Variants in TENM3 observed in about 807,000 individuals in gnomAD.
The protein encoded by TENM3 is teneurin transmembrane protein 3.
In TENM3, 63 loss-of-function variants were observed where a neutral mutation model predicts 255.1. The ratio of observed to expected loss-of-function variants is 0.25; its 90% CI spans 0.20 to 0.30. The LOEUF (loss-of-function observed/expected upper bound fraction) is 0.30, where lower values mean the gene tolerates loss of function less well. Among genes scored for constraint, TENM3 ranks in the 10% least tolerant of loss-of-function variants. The pLI is 1.00. For synonymous variants in TENM3, 1,306 were observed against 1,322.3 expected, an observed-to-expected ratio of 0.99 and a Z score of 0.27; for missense variants, 2,929 against 3,461.1, an observed-to-expected ratio of 0.85 and a Z score of 3.86.
At chr4:182,495,521 G>T (rs548682950) in intron 3 of TENM3, among the ~76,000 whole-genome samples, 7 of 152,134 alleles carry the variant, frequency 4.6e-5, no homozygotes, top group African/African-American at 1.7e-4. Context: ...AAAAATGACT[G>T]TATGAATGAA....
intron 1 of TENM3, among the ~76,000 whole-genome samples, chr4:182,194,254 G>A (rs1753703132): frequency 7.0e-6 from 1 of 142,614 alleles, no homozygotes; most frequent in Non-Finnish European, 1.6e-5. Flanking sequence ...TGTCCTCGTT[G>A]TTTCTGAGCA....
intron 16 of TENM3, 118 bp from the exon 17 acceptor site, chr4:182,736,690 A>G: frequency 1.0e-6 from 1 of 981,662 alleles, no homozygotes; most frequent in African/African-American, 1.7e-5. Context: ...GTGAGTAAGT[A>G]AACTAAGACA....
chr4:181,523,284 A>G, the TENM3 span, among the ~76,000 whole-genome samples: 1 of 152,188 alleles, frequency 6.6e-6, no homozygotes, highest in African/African-American at 2.4e-5. Flanking sequence ...CATTCAAATG[A>G]GTGCGTTAAA....
chr4:182,340,630 G>T (rs1347692330), intron 2 of TENM3, among the ~76,000 whole-genome samples: 1 of 152,148 alleles, frequency 6.6e-6, no homozygotes, highest in Non-Finnish European at 1.5e-5. Flanking sequence ...AAAGAGTTTG[G>T]AATGTCCCAT....
At chr4:182,566,407 A>G (rs1307815902) in intron 3 of TENM3, among the ~76,000 whole-genome samples, 1 of 152,202 alleles carries the variant, frequency 6.6e-6, no homozygotes, top group Non-Finnish European at 1.5e-5. Context: ...TAAACATGGA[A>G]TAAAGTCTTA....
chr4:182,468,813 A>C (rs2151436674), intron 3 of TENM3, among the ~76,000 whole-genome samples: 1 of 133,266 alleles, frequency 7.5e-6, no homozygotes, highest in East Asian at 2.3e-4. Context: ...AATAAAAAAA[A>C]TCCTGTGTGC....
At chr4:181,752,489 T>C in the TENM3 span, among the ~76,000 whole-genome samples, 173 of 152,116 alleles carry the variant, frequency 1.1e-3, 2 homozygotes, top group African/African-American at 3.9e-3. Context: ...GAGGCGGATG[T>C]TTCAGTAAGC....
At chr4:181,842,631 A>G in the TENM3 span, among the ~76,000 whole-genome samples, 1 of 152,350 alleles carries the variant, frequency 6.6e-6, no homozygotes, top group African/African-American at 2.4e-5. Context: ...TTAGCTTAAG[A>G]TGTTAAGAGG....
At chr4:182,210,333 T>G (rs888585454) in intron 1 of TENM3, among the ~76,000 whole-genome samples, 3 of 152,126 alleles carry the variant, frequency 2.0e-5, no homozygotes, top group African/African-American at 7.2e-5. Flanking sequence ...CAAAATAGGC[T>G]TCTTTTCCCC....
the TENM3 span, among the ~76,000 whole-genome samples, chr4:181,859,270 C>T: frequency 1.5e-5 from 2 of 133,254 alleles, no homozygotes; most frequent in African/African-American, 5.2e-5. Context: ...AAAAAAATCC[C>T]TCATTTTTCC....
At chr4:182,773,711 C>T (rs1482569523) in intron 23 of TENM3, 64 bp downstream of exon 23, 23 of 1,459,466 alleles carry the variant, frequency 1.6e-5, no homozygotes, top group Non-Finnish European at 2.1e-5. Context: ...CGGCAACACC[C>T]ACTTTCCAAG....
At chr4:182,097,971 A>G in the TENM3 span, among the ~76,000 whole-genome samples, 1 of 152,162 alleles carries the variant, frequency 6.6e-6, no homozygotes, top group African/African-American at 2.4e-5. Flanking sequence ...CACTCAAACA[A>G]CTTAGTAGGA....
At chr4:182,275,353 A>G (rs1338419581) in intron 1 of TENM3, among the ~76,000 whole-genome samples, 1 of 152,188 alleles carries the variant, frequency 6.6e-6, no homozygotes, top group Non-Finnish European at 1.5e-5. Context: ...AAGGGCAAGT[A>G]GTGTGTCTTA....
At chr4:181,861,273 G>A in the TENM3 span, among the ~76,000 whole-genome samples, 3 of 152,152 alleles carry the variant, frequency 2.0e-5, no homozygotes, top group Non-Finnish European at 4.4e-5. Flanking sequence ...AGAGCTTTAT[G>A]TCACGAAGTC....
chr4:181,767,184 G>A, the TENM3 span, among the ~76,000 whole-genome samples: 4 of 149,128 alleles, frequency 2.7e-5, no homozygotes, highest in East Asian at 4.0e-4. Context: ...CCCGGGAGGC[G>A]GAGCTTGCAG....
the TENM3 span, among the ~76,000 whole-genome samples, chr4:182,025,468 A>G: frequency 6.6e-6 from 1 of 152,214 alleles, no homozygotes; most frequent in African/African-American, 2.4e-5. Context: ...ACACTGCTGT[A>G]CATAAAAAAT....
chr4:182,404,107 C>T (rs1216359977), intron 3 of TENM3, among the ~76,000 whole-genome samples: 1 of 152,186 alleles, frequency 6.6e-6, no homozygotes, highest in African/African-American at 2.4e-5. Flanking sequence ...TTTTCAATCA[C>T]TGTCAGTACA....
the TENM3 span, among the ~76,000 whole-genome samples, chr4:181,925,899 A>G: frequency 6.6e-6 from 1 of 152,224 alleles, no homozygotes; most frequent in Non-Finnish European, 1.5e-5. Flanking sequence ...TATTGAATCT[A>G]TTGTGATTCT....
At chr4:182,686,241 T>C (rs1756564450) in intron 11 of TENM3, among the ~76,000 whole-genome samples, 1 of 152,084 alleles carries the variant, frequency 6.6e-6, no homozygotes. Context: ...AAAAAATCTT[T>C]ATGAAACTTT....
Sources: gnomAD v4.1 joint callset for allele counts (sites outside exome capture counted in the v4.1 genomes callset) on GRCh38, gnomAD v4.1.1 for gene constraint, MANE v1.5 for transcripts, NCBI Gene and HGNC (gene_info 2026-07-23, HGNC 2026-07-21) for gene names.